Variants in C3orf20 observed in about 807,000 individuals in gnomAD.
C3orf20 encodes the protein family with sequence similarity 149 member C, also known as uncharacterized protein C3orf20.
C3orf20 carries 76 observed loss-of-function variants against 88.3 expected under a neutral mutation model. The ratio of observed to expected loss-of-function variants is 0.86; its 90% CI spans 0.72 to 1.04. The LOEUF is 1.04. Among genes scored for constraint, C3orf20 ranks in the 50% least tolerant of loss-of-function variants. The pLI, the probability that C3orf20 is intolerant of heterozygous loss-of-function variation, is 0.00. For synonymous variants in C3orf20, 436 were observed against 437.4 expected, an observed-to-expected ratio of 1.00 and a Z score of 0.04; for missense variants, 1,056 against 1,123.3, an observed-to-expected ratio of 0.94 and a Z score of 0.86.
intron 4 of C3orf20, among the ~76,000 whole-genome samples, chr3:14,686,297 A>T (rs771757029): frequency 7.2e-5 from 11 of 152,176 alleles, no homozygotes; most frequent in Non-Finnish European, 1.5e-4. Context: ...CAATGAGCAT[A>T]GGAGCGTAGA....
At chr3:14,683,875 C>CAAAAAAAA (rs966127219) in intron 3 of C3orf20, among the ~76,000 whole-genome samples, 1 of 83,216 alleles carries the variant, frequency 1.2e-5, no homozygotes, top group Non-Finnish European at 2.3e-5. Context: ...GACTCCATCT[C>CAAAAAAAA]AAAAAAAAAA....
intron 7 of C3orf20, among the ~76,000 whole-genome samples, chr3:14,709,783 G>A (rs1189469327): frequency 2.0e-5 from 3 of 152,090 alleles, no homozygotes. Context: ...CTGGCATTTT[G>A]TTAAGGTATT....
chr3:14,705,799 C>T (rs922672797), intron 7 of C3orf20, among the ~76,000 whole-genome samples: 15 of 152,150 alleles, frequency 9.9e-5, no homozygotes, highest in Admixed American at 3.9e-4. Context: ...TTTGTTTCTG[C>T]CCCTTCACTG....
intron 7 of C3orf20, among the ~76,000 whole-genome samples, chr3:14,705,837 G>A (rs1008063807): frequency 4.6e-5 from 7 of 152,140 alleles, no homozygotes; most frequent in African/African-American, 1.7e-4. Context: ...AGACCCAAAG[G>A]CATGGTGTGA....
chr3:14,757,429 C>T lies in C3orf20; in HGVS notation c.1999C>T (p.Pro667Ser), dbSNP rs1559443979. 1 of 1,612,208 alleles carries T rather than the reference C, an allele frequency of 6.2e-7. No individual in the cohort carries two copies. Among genetic ancestry groups the T allele is most frequent in the Non-Finnish European group, 8.5e-7 (1 of 1,179,898 alleles). The stretch of plus-strand genomic sequence containing the variant: ...GTGGGCGGCCTTGCCCTCAGACTGC[C>T]CGCTGGTGCTGCGGAAGCTCATGCT... ...TRWAALPSDC[P>S]LVLRKLMLKE... The change falls in exon 13 of 17, where the codon CCG (proline) becomes TCG (serine). Residue 667 changes from proline to serine, a missense_variant. Transcript: ENST00000253697.
chr3:14,712,302 G>A (rs1343543297), intron 7 of C3orf20, among the ~76,000 whole-genome samples: 1 of 151,956 alleles, frequency 6.6e-6, no homozygotes, highest in East Asian at 1.9e-4. Flanking sequence ...GCAACCACCA[G>A]AAACTACAAG....
rs2033254947 is a variant in C3orf20, at chr3:14,701,409, G to T, written c.746-1721G>T. Among the ~76,000 whole-genome samples, 1 of 152,130 alleles carries T rather than the reference G, an allele frequency of 6.6e-6. No homozygotes were observed. Among genetic ancestry groups the T allele is most frequent in the East Asian group, 1.9e-4 (1 of 5,174 alleles). Reference sequence around the variant, plus strand: ...CCTGCATACTTCGAGGCTGCAGCTGGGTGGGAGTCAGAGGTTCATTGTAGG... The same window carrying T: ...CCTGCATACTTCGAGGCTGCAGCTGTGTGGGAGTCAGAGGTTCATTGTAGG... On this transcript the variant is annotated intron_variant, in intron 5 of 16. Coordinates refer to ENST00000253697, the MANE Select transcript of C3orf20 (RefSeq NM_032137.5). The surrounding 1 kb of genome is among the most constrained non-coding windows in gnomAD (Gnocchi z 4.6).
chr3:14,726,100 G>C (rs2034336510), intron 10 of C3orf20, among the ~76,000 whole-genome samples: 1 of 152,218 alleles, frequency 6.6e-6, no homozygotes, highest in Non-Finnish European at 1.5e-5. Flanking sequence ...GAAACAGACT[G>C]TGGAATGGAA....
chr3:14,737,902 A>G (rs2034770336), intron 12 of C3orf20, among the ~76,000 whole-genome samples: 1 of 152,232 alleles, frequency 6.6e-6, no homozygotes. Context: ...AGTAGATTCT[A>G]TCTCAACAAA....
chr3:14,738,307 A>G (rs4402921), intron 12 of C3orf20, among the ~76,000 whole-genome samples: 8,536 of 151,056 alleles, frequency 0.057, 459 homozygotes, highest in African/African-American at 0.14. Context: ...AGCTGGGATT[A>G]CAGGCATCTT....
At chr3:14,761,689 G>T in intron 15 of C3orf20, 74 bp downstream of exon 15, 1 of 1,301,574 alleles carries the variant, frequency 7.7e-7, no homozygotes, top group Non-Finnish European at 1.0e-6. Context: ...CTTGGGCTGT[G>T]AAAGGGGAAC....
At chr3:14,683,953 G>A (rs1268312852) in intron 3 of C3orf20, among the ~76,000 whole-genome samples, 1 of 151,278 alleles carries the variant, frequency 6.6e-6, no homozygotes, top group Non-Finnish European at 1.5e-5. Flanking sequence ...AGGACCTACA[G>A]CAGCACCAGT....
At chr3:14,711,627 CTTTTTTTTTTTTT>C (rs35966332) in intron 7 of C3orf20, among the ~76,000 whole-genome samples, 4 of 72,628 alleles carry the variant, frequency 5.5e-5, no homozygotes, top group East Asian at 9.0e-4. Flanking sequence ...ATCCTGCCAG[CTTTTTTTTTTTTT>C]TTTTTTTTTT....
chr3:14,753,611 TC>T (rs1442947179), intron 12 of C3orf20, among the ~76,000 whole-genome samples: 3 of 152,226 alleles, frequency 2.0e-5, no homozygotes, highest in African/African-American at 7.2e-5. Context: ...CTTTTTTGTT[TC>T]TTTGCATACC....
At chr3:14,731,362 C>G (rs2124994052) in intron 12 of C3orf20, among the ~76,000 whole-genome samples, 1 of 152,156 alleles carries the variant, frequency 6.6e-6, no homozygotes, top group East Asian at 1.9e-4. Flanking sequence ...CTCAGGGGGC[C>G]CCCACATCAC....
intron 3 of C3orf20, among the ~76,000 whole-genome samples, chr3:14,683,563 G>C (rs1410075725): frequency 3.3e-5 from 5 of 152,036 alleles, no homozygotes; most frequent in Non-Finnish European, 5.9e-5. Context: ...AGTAGAGCCA[G>C]AACAAGGGGG....
chr3:14,760,676 C>A (rs2035533702), intron 14 of C3orf20, among the ~76,000 whole-genome samples: 1 of 130,916 alleles, frequency 7.6e-6, no homozygotes, highest in Non-Finnish European at 1.6e-5. Flanking sequence ...GTGGTGTAAT[C>A]TCGGCTCACT....
Position 14,680,430 on chromosome 3 carries a change from A to G in C3orf20, c.-298-1740A>G, listed in dbSNP as rs761921853. 3.3e-5 allele frequency among the ~76,000 whole-genome samples: 5 copies of G among 152,226 alleles called. No homozygotes were observed. The East Asian group carries it at 5.8e-4, about 18-fold the overall frequency. ...AAAAACCCACATAGTTGATGATCCTATTTTTATGAAATGTCCAGAACAGGC... is the reference window on the plus strand; with the variant it reads ...AAAAACCCACATAGTTGATGATCCTGTTTTTATGAAATGTCCAGAACAGGC... On this transcript the variant is annotated intron_variant, in intron 1 of 16. Coordinates refer to ENST00000253697, the MANE Select transcript of C3orf20 (RefSeq NM_032137.5).
Position 14,682,929 on chromosome 3 carries a change from C to T in C3orf20, c.216C>T (p.Ser72=), listed in dbSNP as rs935983256. The T allele has an allele frequency of 8.1e-6, 13 of 1,614,170 alleles. No homozygotes were observed. The highest frequency in any genetic ancestry group is 1.3e-5 in the African/African-American group (1 of 75,030). The change falls in exon 3 of 17, where the codon AGC becomes AGT. Residue 72 remains serine (S), a synonymous_variant. Coordinates refer to ENST00000253697, the MANE Select transcript of C3orf20 (RefSeq NM_032137.5). ...TPSDILGLEV[S]FGAPLVVLME... is the part of the protein sequence containing the mutation. ...CCGACATCTTGGGCCTGGAGGTCAG[C>T]TTTGGAGCCCCCCTGGTGGTGCTCA...
Sources: allele counts gnomAD v4.1 joint callset (sites outside exome capture counted in the v4.1 genomes callset), GRCh38; gene constraint gnomAD v4.1.1; non-coding constraint Gnocchi (gnomAD v3.1); transcripts MANE v1.5; gene names NCBI Gene and HGNC (gene_info 2026-07-23, HGNC 2026-07-21).